Variants in CAPN6 observed in about 807,000 individuals in gnomAD.
CAPN6 encodes the protein calpain-6.
A neutral mutation model predicts 46.0 loss-of-function variants in CAPN6; 16 were observed. The observed-to-expected ratio is 0.35, with a 90% CI of 0.24 to 0.53. The LOEUF (loss-of-function observed/expected upper bound fraction) is 0.53. Among genes scored for constraint, CAPN6 ranks in the 20% least tolerant of loss-of-function variants. CAPN6 has a pLI of 0.94. For missense variants in CAPN6, 461 were observed against 498.0 expected, an observed-to-expected ratio of 0.93 and a Z score of 0.71; for synonymous variants, 206 against 172.8, an observed-to-expected ratio of 1.19 and a Z score of -1.51.
At chrX:111,262,794 T>C (rs1239886112) in intron 2 of CAPN6, among the ~76,000 whole-genome samples, 2 of 112,178 alleles carry the variant, frequency 1.8e-5, no homozygotes, top group East Asian at 5.7e-4. Flanking sequence ...AAACTTGCTT[T>C]AGAGACACAA....
intron 2 of CAPN6, among the ~76,000 whole-genome samples, chrX:111,263,144 G>A (rs919617864): frequency 8.9e-6 from 1 of 112,036 alleles, no homozygotes; most frequent in Non-Finnish European, 1.9e-5. Flanking sequence ...GAGAAAATAA[G>A]GTTGGCATAT....
At chrX:111,266,450 A>G (rs2094992063) in intron 1 of CAPN6, among the ~76,000 whole-genome samples, 1 of 111,557 alleles carries the variant, frequency 9.0e-6, no homozygotes, top group South Asian at 3.8e-4. Flanking sequence ...CCATAAATGC[A>G]AAATATACAC....
chrX:111,259,305 T>C (rs1424152798), intron 2 of CAPN6, among the ~76,000 whole-genome samples: 3 of 112,516 alleles, frequency 2.7e-5, no homozygotes, highest in Admixed American at 1.9e-4. Context: ...GTGTAAACAG[T>C]GGAAAACACT....
intron 5 of CAPN6, among the ~76,000 whole-genome samples, 175 bp downstream of exon 5, chrX:111,252,132 T>TA (rs1466816165): frequency 8.9e-6 from 1 of 111,814 alleles, no homozygotes; most frequent in African/African-American, 3.3e-5. Flanking sequence ...TACAAAAGGA[T>TA]AAAAAACTAA....
At chrX:111,261,444 A>T (rs2094987866) in intron 2 of CAPN6, among the ~76,000 whole-genome samples, 2 of 112,261 alleles carry the variant, frequency 1.8e-5, no homozygotes, top group African/African-American at 6.5e-5. Flanking sequence ...TGTATAGAAA[A>T]CTTCAAACAC....
At chrX:111,263,078 G>C (rs2094989110) in intron 2 of CAPN6, among the ~76,000 whole-genome samples, 1 of 112,300 alleles carries the variant, frequency 8.9e-6, no homozygotes, top group South Asian at 3.7e-4. Flanking sequence ...ACTCAGTAAA[G>C]AGGCAAGAGC....
At chrX:111,255,805 G>A (rs938857925) in intron 2 of CAPN6, among the ~76,000 whole-genome samples, 8 of 111,998 alleles carry the variant, frequency 7.1e-5, no homozygotes, top group Non-Finnish European at 1.1e-4. Flanking sequence ...TCTGCCAAAA[G>A]GAGATGGCTA....
chrX:111,253,527 A>G (rs994560771), intron 3 of CAPN6, among the ~76,000 whole-genome samples: 1 of 112,630 alleles, frequency 8.9e-6, no homozygotes, highest in Non-Finnish European at 1.9e-5. Flanking sequence ...TGAGAAGCGG[A>G]CTATATAAAC....
intron 1 of CAPN6, among the ~76,000 whole-genome samples, chrX:111,269,621 A>G (rs1373015676): frequency 2.7e-5 from 3 of 111,896 alleles, no homozygotes; most frequent in Non-Finnish European, 5.6e-5. Flanking sequence ...GCCAGTTCTG[A>G]TCAAGTGGTC....
At chrX:111,249,340 T>C (rs867313378) in intron 8 of CAPN6, among the ~76,000 whole-genome samples, 1 of 111,655 alleles carries the variant, frequency 9.0e-6, no homozygotes, top group Admixed American at 9.5e-5. Flanking sequence ...AAGTTCTTGG[T>C]AAATTATTGT....
rs1392926490 is a variant in CAPN6 at position 111,247,986 on chromosome X, C to T, written c.1491G>A (p.Leu497=). The part of the protein sequence containing the change: ...FSEVPVQLRE[L]TLDMPKMSCW... ...AGGACATTTTGGGCATGTCCAGAGT[C>T]AGTTCCCTAGAACATCAAAAATAAA... is the stretch of plus-strand genomic sequence containing the variant. Residue 497 remains leucine, a synonymous_variant, in exon 11 of 13, where the codon CTG becomes CTA. Transcript: ENST00000324068. 1 of 1,208,959 alleles carries T rather than the reference C, an allele frequency of 8.3e-7. No homozygotes were observed. Among genetic ancestry groups the T allele is most frequent in the Non-Finnish European group, 1.1e-6 (1 of 893,545 alleles).
chrX:111,248,436 G>C (rs776065791), intron 10 of CAPN6, 133 bp downstream of exon 10: 2 of 519,558 alleles, frequency 3.8e-6, no homozygotes, highest in Non-Finnish European at 3.3e-6. Flanking sequence ...TTACCACCAT[G>C]ATTTCAGTGA....
chrX:111,253,241 AAGTGTTATTCACC>A, intron 3 of CAPN6, 25 bp from the exon 4 acceptor site: 1 of 1,119,830 alleles, frequency 8.9e-7, no homozygotes, highest in Non-Finnish European at 1.2e-6. Context: ...ACATTTAATC[AAGTGTTATTCACC>A]AGACCACATC....
chrX:111,247,794 T>C, intron 11 of CAPN6, 77 bp downstream of exon 11: 1 of 1,111,266 alleles, frequency 9.0e-7, no homozygotes, highest in South Asian at 2.0e-5. Context: ...AGAAAATCAT[T>C]TGTGATCATG....
At chrX:111,251,831 G>T in intron 5 of CAPN6, 89 bp from the exon 6 acceptor site, 1 of 768,076 alleles carries the variant, frequency 1.3e-6, no homozygotes, top group Non-Finnish European at 1.9e-6. Context: ...AACCCAGTAG[G>T]ATTGAAGCTA....
At chrX:111,249,519 G>T (rs916494058) in intron 8 of CAPN6, among the ~76,000 whole-genome samples, 9 of 110,844 alleles carry the variant, frequency 8.1e-5, no homozygotes, top group Non-Finnish European at 1.7e-4. Flanking sequence ...CTTGTGGAAG[G>T]GCTCCTTGGA....
chrX:111,263,414 G>C (rs771558552), intron 2 of CAPN6, among the ~76,000 whole-genome samples: 11 of 111,416 alleles, frequency 9.9e-5, no homozygotes, highest in Non-Finnish European at 1.9e-4. Flanking sequence ...TTTTTTCTAA[G>C]TAAATCTGTC....
chrX:111,268,035 C>T (rs183046807), intron 1 of CAPN6, among the ~76,000 whole-genome samples: 1 of 111,701 alleles, frequency 9.0e-6, no homozygotes, highest in African/African-American at 3.3e-5. Flanking sequence ...CAGGCAGAGT[C>T]ATAGCTTACA....
rs757730945 is a variant in CAPN6 at position 111,263,769 on chromosome X, T to G, written c.165+3A>C. The G allele has an allele frequency of 8.3e-7, 1 of 1,199,211 alleles. No individual in the cohort carries two copies. Among genetic ancestry groups the G allele is most frequent in the South Asian group, 1.8e-5 (1 of 54,571 alleles). On this transcript the variant is annotated splice_donor_region_variant and intron_variant, in intron 2 of 12. Coordinates refer to ENST00000324068, the MANE Select transcript of CAPN6 (RefSeq NM_014289.4). ...AGACAGAATGTGTAAAATAGAAAGT[T>G]ACCTGGGGACGTTTCCACACCACCT...
Sources: gnomAD v4.1 joint callset for allele counts (sites outside exome capture counted in the v4.1 genomes callset) on GRCh38, gnomAD v4.1.1 for gene constraint, MANE v1.5 for transcripts, NCBI Gene and HGNC (gene_info 2026-07-23, HGNC 2026-07-21) for gene names.